Variants in PTPRN2 observed in about 807,000 individuals in gnomAD.
PTPRN2 encodes the protein receptor-type tyrosine-protein phosphatase N2.
A neutral mutation model predicts 118.8 loss-of-function variants in PTPRN2; 74 were observed. The ratio of observed to expected loss-of-function variants is 0.62; its 90% CI spans 0.52 to 0.76. The LOEUF (loss-of-function observed/expected upper bound fraction) is 0.76, where lower values mean the gene tolerates loss of function less well. PTPRN2 is among the 30% of genes least tolerant of loss of function. PTPRN2 has a pLI of 0.00. For missense variants in PTPRN2, 1,481 were observed against 1,394.4 expected, an observed-to-expected ratio of 1.06 and a Z score of -0.99; for synonymous variants, 641 against 608.0, an observed-to-expected ratio of 1.05 and a Z score of -0.80.
chr7:158,477,770 C>A (rs1166549066), intron 2 of PTPRN2, among the ~76,000 whole-genome samples: 1 of 152,228 alleles, frequency 6.6e-6, no homozygotes, highest in Non-Finnish European at 1.5e-5. Flanking sequence ...CACCCCTCAC[C>A]CCAGGTTTTC....
chr7:158,064,233 C>T (rs769057936), intron 11 of PTPRN2, among the ~76,000 whole-genome samples: 14 of 152,188 alleles, frequency 9.2e-5, no homozygotes, highest in African/African-American at 1.7e-4. Context: ...GGGGTTTAAC[C>T]GCATTGACTC....
At chr7:158,267,073 A>G (rs921893777) in intron 3 of PTPRN2, among the ~76,000 whole-genome samples, 6 of 152,246 alleles carry the variant, frequency 3.9e-5, no homozygotes, top group Non-Finnish European at 8.8e-5. Flanking sequence ...GGCACCTCAG[A>G]CAGCCCCACA....
chr7:157,587,021 C>G lies in PTPRN2; in HGVS notation c.2496+8217G>C, dbSNP rs181634887. On this transcript the variant is annotated intron_variant, in intron 17 of 22. Coordinates refer to ENST00000389418, the MANE Select transcript of PTPRN2 (RefSeq NM_002847.5). The surrounding 1 kb of genome is among the most constrained non-coding windows in gnomAD (Gnocchi z 5.3). Reference sequence around the variant, plus strand: ...TGATGCCTGCAGTGGTCATCCTGGGCTGATCAAGGAAGCTGCCCAGAGACA... The same window carrying G: ...TGATGCCTGCAGTGGTCATCCTGGGGTGATCAAGGAAGCTGCCCAGAGACA... Among the ~76,000 whole-genome samples the G allele has an allele frequency of 2.4e-3, 366 of 152,320 alleles. 2 individuals carry two copies. The highest frequency in any genetic ancestry group is 5.6e-3 in the Admixed American group (86 of 15,302).
At chr7:158,326,988 TTC>T (rs748021533) in intron 2 of PTPRN2, among the ~76,000 whole-genome samples, 106 of 135,726 alleles carry the variant, frequency 7.8e-4, no homozygotes, top group Non-Finnish European at 1.3e-3. Context: ...CACATACACA[TTC>T]TCAGATGCAC....
intron 2 of PTPRN2, among the ~76,000 whole-genome samples, chr7:158,383,128 G>A (rs1003099034): frequency 6.6e-6 from 1 of 152,012 alleles, no homozygotes; most frequent in African/African-American, 2.4e-5. Flanking sequence ...ACACATGAGG[G>A]GCCCTGAAGA....
intron 11 of PTPRN2, among the ~76,000 whole-genome samples, chr7:158,048,496 T>C (rs956943825): frequency 6.6e-6 from 1 of 152,128 alleles, no homozygotes; most frequent in Non-Finnish European, 1.5e-5. Context: ...TCATCATTGT[T>C]ACTATTGCCA....
chr7:158,451,619 A>G (rs865846534), intron 2 of PTPRN2, among the ~76,000 whole-genome samples: 7 of 152,222 alleles, frequency 4.6e-5, no homozygotes, highest in Middle Eastern at 3.4e-3. Flanking sequence ...GTGTCAGCCC[A>G]TCTACCTAAC....
Position 158,581,141 on chromosome 7 carries a change from G to A in PTPRN2, c.112+6417C>T, listed in dbSNP as rs76284504. Among the ~76,000 whole-genome samples, 194 of 152,276 alleles carry A rather than the reference G, an allele frequency of 1.3e-3. 1 individual carries two copies. The highest frequency in any genetic ancestry group is 7.9e-3 in the South Asian group (38 of 4,822). ...AACCAGAGAGACATGTTCTGACAGCGTGTAGAATCCTCGGCCCATCCTGGG... is the reference window on the plus strand; with the variant it reads ...AACCAGAGAGACATGTTCTGACAGCATGTAGAATCCTCGGCCCATCCTGGG... On this transcript the variant is annotated intron_variant, in intron 1 of 22. Transcript: ENST00000389418.
In PTPRN2 at chr7:157,784,994, C is replaced by A. The variant is rs1008023213; in HGVS notation, c.1789-102057G>T. ...AGGGAGCCGAGGCCCTCTGTCCAGG[C>A]GGCTGAGGTCACGCGGTCTCTTCAG... On this transcript the variant is annotated intron_variant, in intron 12 of 22. Transcript: ENST00000389418. The surrounding 1 kb of genome is among the most constrained non-coding windows in gnomAD (Gnocchi z 4.6). Among the ~76,000 whole-genome samples, 1 of 152,180 alleles carries A rather than the reference C, an allele frequency of 6.6e-6. No individual in the cohort carries two copies. Among genetic ancestry groups the A allele is most frequent in the African/African-American group, 2.4e-5 (1 of 41,430 alleles).
chr7:158,423,637 G>A (rs1164910706), intron 2 of PTPRN2, among the ~76,000 whole-genome samples: 2 of 151,962 alleles, frequency 1.3e-5, no homozygotes, highest in Non-Finnish European at 2.9e-5. Context: ...AGGTTCAAGC[G>A]ATTCTCCTGC....
intron 10 of PTPRN2, among the ~76,000 whole-genome samples, chr7:158,087,630 G>A (rs1015653229): frequency 2.3e-3 from 348 of 148,258 alleles, no homozygotes; most frequent in Middle Eastern, 8.0e-3. Context: ...CCCTGATGAA[G>A]GAGGGAGTCT....
chr7:158,165,879 C>T (rs1025190204), intron 6 of PTPRN2, among the ~76,000 whole-genome samples: 2 of 152,164 alleles, frequency 1.3e-5, no homozygotes, highest in South Asian at 2.1e-4. Context: ...CCGGAAGCCA[C>T]GGTCTTGGCA....
At chr7:158,533,984 C>A (rs1051508397) in intron 1 of PTPRN2, among the ~76,000 whole-genome samples, 1 of 152,220 alleles carries the variant, frequency 6.6e-6, no homozygotes, top group Non-Finnish European at 1.5e-5. Context: ...TGGGCCTCCA[C>A]TGGCCAGTGC....
At chr7:158,065,687 G>A (rs1260834914) in intron 11 of PTPRN2, among the ~76,000 whole-genome samples, 2 of 152,232 alleles carry the variant, frequency 1.3e-5, no homozygotes, top group Admixed American at 1.3e-4. Context: ...CTAAACTGAC[G>A]CTCAGAACTC....
At chr7:158,086,350 C>G (rs1190339493) in intron 10 of PTPRN2, among the ~76,000 whole-genome samples, 1 of 152,240 alleles carries the variant, frequency 6.6e-6, no homozygotes, top group Non-Finnish European at 1.5e-5. Context: ...CCACTCCACA[C>G]AGCTCCATGC....
chr7:158,586,843 G>T (rs562057926), intron 1 of PTPRN2, among the ~76,000 whole-genome samples: 71 of 152,270 alleles, frequency 4.7e-4, no homozygotes, highest in African/African-American at 1.6e-3. Flanking sequence ...GAACACGAGC[G>T]GGGGGCGCAC....
At chr7:158,125,716 C>A (rs773903175) in intron 9 of PTPRN2, among the ~76,000 whole-genome samples, 1 of 152,176 alleles carries the variant, frequency 6.6e-6, no homozygotes, top group Non-Finnish European at 1.5e-5. Flanking sequence ...GTGAGGACTG[C>A]GCTTTCTGAA....
chr7:158,340,233 T>A (rs368283065), intron 2 of PTPRN2, among the ~76,000 whole-genome samples: 8,235 of 37,672 alleles, frequency 0.22, 2 homozygotes, highest in Non-Finnish European at 0.23. Flanking sequence ...CACACGTCAC[T>A]CACACCCACA....
At chr7:157,930,365 G>A (rs1799282992) in intron 11 of PTPRN2, among the ~76,000 whole-genome samples, 1 of 152,254 alleles carries the variant, frequency 6.6e-6, no homozygotes. Flanking sequence ...CTCGTGATTC[G>A]CAGCCTCCTG....
Sources: gnomAD v4.1 joint callset for allele counts (sites outside exome capture counted in the v4.1 genomes callset) on GRCh38, gnomAD v4.1.1 for gene constraint, Gnocchi (gnomAD v3.1) non-coding constraint, MANE v1.5 for transcripts, NCBI Gene and HGNC (gene_info 2026-07-23, HGNC 2026-07-21) for gene names.